Variants in TRIO observed in about 807,000 individuals in gnomAD.
TRIO encodes the protein trio Rho guanine nucleotide exchange factor, also known as triple functional domain protein.
Under a neutral mutation model 351.9 loss-of-function variants are expected in TRIO, and 58 were observed. The ratio of observed to expected loss-of-function variants is 0.16; its 90% CI spans 0.13 to 0.21. The LOEUF is 0.21. Among genes scored for constraint, TRIO ranks in the 10% least tolerant of loss-of-function variants. The probability of loss-of-function intolerance (pLI) is 1.00; values close to 1 mark genes in which losing one functional copy is unlikely to be tolerated. For missense variants in TRIO, 3,201 were observed against 4,027.8 expected (o/e 0.79, Z 5.56); for synonymous variants, 1,758 against 1,595.7 (o/e 1.10, Z -2.42).
intron 1 of TRIO, among the ~76,000 whole-genome samples, chr5:14,231,738 G>A (rs1793443416): frequency 6.6e-6 from 1 of 152,076 alleles, no homozygotes; most frequent in Non-Finnish European, 1.5e-5. Flanking sequence ...CAAAGTTATA[G>A]AAAGTTACGT....
At chr5:14,479,880 A>G in intron 42 of TRIO, 39 bp from the exon 43 acceptor site, 1 of 1,597,056 alleles carries the variant, frequency 6.3e-7, no homozygotes, top group Non-Finnish European at 8.6e-7. Flanking sequence ...CCCTTTAATG[A>G]ACAGCCCATA....
chr5:14,288,210 T>C (rs1036466151), intron 4 of TRIO, among the ~76,000 whole-genome samples: 9 of 152,198 alleles, frequency 5.9e-5, no homozygotes, highest in Non-Finnish European at 1.2e-4. Flanking sequence ...TATAAGTGTT[T>C]TAAGTAAAAA....
chr5:14,177,089 A>T (rs1053301842), intron 1 of TRIO, among the ~76,000 whole-genome samples: 5 of 152,158 alleles, frequency 3.3e-5, no homozygotes, highest in Non-Finnish European at 7.3e-5. Flanking sequence ...CTCTGCCCTG[A>T]GGTTTGAGCG....
chr5:14,373,697 G>A (rs1745317507), intron 18 of TRIO, among the ~76,000 whole-genome samples: 1 of 152,186 alleles, frequency 6.6e-6, no homozygotes, highest in Non-Finnish European at 1.5e-5. Context: ...CTGAACTGAG[G>A]GCTAAGTTGG....
chr5:14,183,991 A>G, intron 1 of TRIO: 1 of 697,878 alleles, frequency 1.4e-6, no homozygotes, highest in South Asian at 1.5e-5. Context: ...TAAAAAATAC[A>G]GTTCTTATTT....
chr5:14,332,431 G>C (rs934363860), intron 10 of TRIO, among the ~76,000 whole-genome samples: 1 of 152,114 alleles, frequency 6.6e-6, no homozygotes, highest in Non-Finnish European at 1.5e-5. Flanking sequence ...TCCATAACAC[G>C]TGGACATACA....
intron 2 of TRIO, among the ~76,000 whole-genome samples, chr5:14,273,714 C>G (rs1735238405): frequency 6.6e-6 from 1 of 152,188 alleles, no homozygotes; most frequent in South Asian, 2.1e-4. Context: ...TAAAAATGCC[C>G]TGTAGTTTAT....
intron 31 of TRIO, among the ~76,000 whole-genome samples, chr5:14,403,505 TAGGTGGTGGTGGTGAGGGTGC>T (rs1748364158): frequency 3.1e-5 from 1 of 31,838 alleles, no homozygotes; most frequent in African/African-American, 1.5e-4. Flanking sequence ...GGTGAGGGTG[TAGGTGGTGGTGGTGAGGGTGC>T]AGGTTGTGGT....
At chr5:14,250,616 C>T (rs969327396) in intron 1 of TRIO, among the ~76,000 whole-genome samples, 9 of 152,196 alleles carry the variant, frequency 5.9e-5, no homozygotes, top group Admixed American at 3.9e-4. Flanking sequence ...GCCCTGCTTT[C>T]CCATGAGTTC....
chr5:14,182,211 G>A (rs114589040), intron 1 of TRIO, among the ~76,000 whole-genome samples: 2,091 of 152,208 alleles, frequency 0.014, 22 homozygotes, highest in South Asian at 0.03. Context: ...GGCTCCTCTG[G>A]GAAGTGGGAA....
chr5:14,347,409 A>G (rs1742518869), intron 11 of TRIO, among the ~76,000 whole-genome samples: 2 of 152,136 alleles, frequency 1.3e-5, no homozygotes, highest in Admixed American at 1.3e-4. Context: ...GAGGTCCTGC[A>G]GAACAGACTA....
At chr5:14,145,672 A>G (rs1003049053) in intron 1 of TRIO, among the ~76,000 whole-genome samples, 3 of 152,186 alleles carry the variant, frequency 2.0e-5, no homozygotes, top group East Asian at 1.9e-4. Context: ...TCTGTTAGAA[A>G]GGCTCTTCTG....
At chr5:14,347,747 T>C (rs80155480) in intron 11 of TRIO, among the ~76,000 whole-genome samples, 1 of 152,194 alleles carries the variant, frequency 6.6e-6, no homozygotes, top group Non-Finnish European at 1.5e-5. Flanking sequence ...TCTAGCGTCA[T>C]GTTGCAGGTG....
At chr5:14,359,294 A>T (rs768275502) in intron 12 of TRIO, 63 bp from the exon 13 acceptor site, 16 of 1,562,852 alleles carry the variant, frequency 1.0e-5, no homozygotes, top group Non-Finnish European at 1.4e-5. Context: ...GCGTGGCCGG[A>T]TCTGGTATCT....
Position 14,286,288 on chromosome 5 carries a change from GAAAACCACT to G in TRIO, c.348-582_348-574del, listed in dbSNP as rs780618338. Among the ~76,000 whole-genome samples the G allele has an allele frequency of 2.0e-5, 3 of 152,158 alleles. No homozygotes were observed. The highest frequency in any genetic ancestry group is 4.4e-5 in the Non-Finnish European group (3 of 68,026). ...CTCCCAGGGACGGGTGGATGGTATG[GAAAACCACT>G]GAGATAGCTTCAGGGCCAGGGATAG... is the stretch of plus-strand genomic sequence containing the variant. On this transcript the variant is annotated intron_variant, in intron 3 of 56. Coordinates refer to ENST00000344204, the MANE Select transcript of TRIO (RefSeq NM_007118.4). This position sits in a 1 kb window ranked among gnomAD's most constrained non-coding sequence, Gnocchi z 4.4.
intron 9 of TRIO, among the ~76,000 whole-genome samples, chr5:14,330,261 T>C (rs968133607): frequency 4.6e-5 from 7 of 152,230 alleles, no homozygotes; most frequent in African/African-American, 1.4e-4. Context: ...GAATAAATTA[T>C]CCAAGCTCAA....
At chr5:14,377,082 T>C (rs546926707) in intron 19 of TRIO, among the ~76,000 whole-genome samples, 5 of 152,178 alleles carry the variant, frequency 3.3e-5, no homozygotes, top group Non-Finnish European at 7.3e-5. Context: ...TGCTTAAAAA[T>C]TTTTTGTCTG....
At chr5:14,340,653 T>C (rs1741862393) in intron 11 of TRIO, among the ~76,000 whole-genome samples, 1 of 152,128 alleles carries the variant, frequency 6.6e-6, no homozygotes, top group Non-Finnish European at 1.5e-5. Flanking sequence ...AGGTGCAAAG[T>C]CAAGGTGATG....
chr5:14,151,436 G>T (rs1159066571), intron 1 of TRIO, among the ~76,000 whole-genome samples: 9 of 151,738 alleles, frequency 5.9e-5, no homozygotes, highest in African/African-American at 1.9e-4. Context: ...ATATCTCTTG[G>T]AAAGTCATAA....
Sources: gnomAD v4.1 joint callset for allele counts (sites outside exome capture counted in the v4.1 genomes callset) on GRCh38, gnomAD v4.1.1 for gene constraint, Gnocchi (gnomAD v3.1) non-coding constraint, MANE v1.5 for transcripts, NCBI Gene and HGNC (gene_info 2026-07-23, HGNC 2026-07-21) for gene names.